The following HERC2 variants were observed in gnomAD, a reference collection of about 807,000 sequenced individuals.
The protein encoded by HERC2 is HECT and RLD domain containing E3 ubiquitin protein ligase 2.
Under a neutral mutation model 537.7 loss-of-function variants are expected in HERC2, and 102 were observed. The ratio of observed to expected loss-of-function variants is 0.19; its 90% confidence interval spans 0.16 to 0.22. The LOEUF is 0.22. Among genes scored for constraint, HERC2 ranks in the 10% least tolerant of loss-of-function variants. The pLI, the probability that HERC2 is intolerant of heterozygous loss-of-function variation, is 1.00. For synonymous variants in HERC2, 2,224 were observed against 2,466.2 expected (o/e 0.90, Z 2.91); for missense variants, 4,236 against 6,198.2 (o/e 0.68, Z 10.63).
intron 44 of HERC2, among the ~76,000 whole-genome samples, chr15:28,206,644 T>G (rs1221917163): frequency 6.6e-6 from 1 of 151,292 alleles, no homozygotes; most frequent in Non-Finnish European, 1.5e-5. Flanking sequence ...CCATCCTGGG[T>G]AACACGGTGA....
Position 28,260,905 on chromosome 15 carries a change from C to A in HERC2, c.2188G>T (p.Val730Phe), listed in dbSNP as rs1208593074. The A allele has an allele frequency of 1.2e-6, 2 of 1,614,214 alleles. No homozygotes were observed. The highest frequency in any genetic ancestry group is 1.7e-5 in the Admixed American group (1 of 60,028). The change falls in exon 16 of 93, where the codon GTC (valine) becomes TTC (phenylalanine). Residue 730 changes from valine to phenylalanine, a missense_variant. Physicochemically the swap from Val to Phe is conservative, Grantham distance 50. Transcript: ENST00000261609. The stretch of plus-strand genomic sequence containing the variant: ...TGGTCGTTGCTCCCCCAGCTGTGGA[C>A]CTCGCTGTCCTCAGTCAGAGCCAGG... ...HCLALTEDSEVHSWGSNDQCQ... is the reference protein window; with the variant it reads ...HCLALTEDSEFHSWGSNDQCQ...
chr15:28,169,074 C>A (rs1266358114), intron 66 of HERC2, among the ~76,000 whole-genome samples: 1 of 152,228 alleles, frequency 6.6e-6, no homozygotes, highest in African/African-American at 2.4e-5. Context: ...AGATGGGAAA[C>A]TTATCTAGGC....
chr15:28,121,191 C>T (rs894350033), intron 86 of HERC2, among the ~76,000 whole-genome samples, 155 bp downstream of exon 86: 1 of 152,218 alleles, frequency 6.6e-6, no homozygotes. Flanking sequence ...CAGCACATCA[C>T]ATACAGGAAG....
intron 4 of HERC2, among the ~76,000 whole-genome samples, chr15:28,290,673 A>C (rs1356194326): frequency 2.0e-5 from 3 of 152,244 alleles, no homozygotes; most frequent in Non-Finnish European, 2.9e-5. Flanking sequence ...GAAAATCCCC[A>C]AATACTTGGA....
intron 4 of HERC2, among the ~76,000 whole-genome samples, chr15:28,289,729 G>A (rs1426845787): frequency 2.6e-5 from 4 of 152,210 alleles, no homozygotes. Flanking sequence ...TGGACTTACG[G>A]GACATGGCTC....
Position 28,198,643 on chromosome 15 carries a change from C to T in HERC2, c.7843G>A (p.Gly2615Arg). 1 of 1,614,104 alleles carries T rather than the reference C, an allele frequency of 6.2e-7. No individual in the cohort carries two copies. Among genetic ancestry groups the T allele is most frequent in the East Asian group, 2.2e-5 (1 of 44,886 alleles). Reference protein sequence around the residue: ...LNVQCDWQQKGGTYWVRYIHV... With the variant: ...LNVQCDWQQKRGTYWVRYIHV... Reference sequence around the variant, plus strand: ...ATGTACCTAACCCAGTAGGTGCCCCCTTTCTGCTGCCAGTCACACTGCACA... The same window carrying T: ...ATGTACCTAACCCAGTAGGTGCCCCTTTTCTGCTGCCAGTCACACTGCACA... Residue 2615 changes from glycine to arginine, a missense_variant, in exon 49 of 93, where the codon GGG (glycine) becomes AGG (arginine). This residue lies in a region of HERC2 where 606 missense variants were observed against 884.5 expected (regional missense o/e 0.69). Transcript: ENST00000261609.
At chr15:28,146,830 C>T (rs1168693043) in intron 70 of HERC2, among the ~76,000 whole-genome samples, 1 of 139,534 alleles carries the variant, frequency 7.2e-6, no homozygotes, top group African/African-American at 2.8e-5. Flanking sequence ...CGAGCAGAGG[C>T]ACAAGAGTTT....
intron 83 of HERC2, among the ~76,000 whole-genome samples, chr15:28,126,000 C>CA (rs1889438991): frequency 6.6e-6 from 1 of 152,170 alleles, no homozygotes; most frequent in South Asian, 2.1e-4. Flanking sequence ...TTAGCAGAGA[C>CA]AGGGTTTCAC....
Position 28,238,759 on chromosome 15 carries a change from T to G in HERC2, c.3591A>C (p.Thr1197=). 6.2e-7 allele frequency: 1 copy of G among 1,610,230 alleles called. No individual in the cohort carries two copies. Among genetic ancestry groups the G allele is most frequent in the Non-Finnish European group, 8.5e-7 (1 of 1,178,290 alleles). The change falls in exon 24 of 93, where the codon ACA becomes ACC. Residue 1197 remains threonine (T), a synonymous_variant. Transcript: ENST00000261609. ...AWPGIMESFF[T]GQNCRNNEEV... ...CCTCATTATTTCTACAGTTCTGACCTGTAAAAAATGACTCTGTATATACAG... is the reference window on the plus strand; with the variant it reads ...CCTCATTATTTCTACAGTTCTGACCGGTAAAAAATGACTCTGTATATACAG...
chr15:28,212,692 G>A (rs1207037233), intron 42 of HERC2, 109 bp from the exon 43 acceptor site: 19 of 1,175,458 alleles, frequency 1.6e-5, no homozygotes, highest in African/African-American at 4.6e-5. Context: ...ACACATACCC[G>A]TAAGCCTTTT....
chr15:28,270,054 C>T (rs1306144505), intron 10 of HERC2, among the ~76,000 whole-genome samples: 4 of 152,162 alleles, frequency 2.6e-5, no homozygotes, highest in African/African-American at 4.8e-5. Context: ...CTCCGCCTCC[C>T]GGGTTCAAGT....
intron 7 of HERC2, 92 bp downstream of exon 7, chr15:28,274,199 T>C: frequency 7.3e-7 from 1 of 1,362,210 alleles, no homozygotes; most frequent in African/African-American, 1.5e-5. Context: ...ACCAACCTAC[T>C]AGGCTTCTTA....
At chr15:28,304,016 A>T (rs2076707494) in intron 2 of HERC2, among the ~76,000 whole-genome samples, 1 of 151,996 alleles carries the variant, frequency 6.6e-6, no homozygotes, top group Non-Finnish European at 1.5e-5. Flanking sequence ...AAATACAAAA[A>T]TTAGCCAGGC....
rs373996817 is a variant in HERC2 at position 28,223,509 on chromosome 15, C to T, written c.5465-1294G>A. On this transcript the variant is annotated intron_variant, in intron 35 of 92. Transcript: ENST00000261609. ...AGCCTTTCCTTTAGCCTAGCCGCTA[C>T]TTTAGGGCCCCCAGGAAGGGGCCCC... Among the ~76,000 whole-genome samples, 7 of 152,276 alleles carry T rather than the reference C, an allele frequency of 4.6e-5. No homozygotes were observed. The East Asian group carries it at 1.2e-3, about 25-fold the overall frequency.
intron 2 of HERC2, among the ~76,000 whole-genome samples, chr15:28,311,732 T>G (rs1487721587): frequency 1.6e-4 from 25 of 152,058 alleles, no homozygotes; most frequent in African/African-American, 5.3e-4. Context: ...CTGGAGAAGA[T>G]GCCAACACCC....
At chr15:28,294,739 C>T (rs2076414351) in intron 3 of HERC2, among the ~76,000 whole-genome samples, 1 of 151,974 alleles carries the variant, frequency 6.6e-6, no homozygotes, top group African/African-American at 2.4e-5. Context: ...TCGTGGTTCA[C>T]TCTGTTCCCA....
At chr15:28,256,590 G>A (rs1004097101) in intron 17 of HERC2, among the ~76,000 whole-genome samples, 20 of 152,040 alleles carry the variant, frequency 1.3e-4, no homozygotes, top group Admixed American at 2.0e-4. Context: ...CCTCCACCCC[G>A]CGCCAACAAT....
At chr15:28,159,324 CAG>C (rs1420426868) in intron 69 of HERC2, among the ~76,000 whole-genome samples, 14 of 152,334 alleles carry the variant, frequency 9.2e-5, no homozygotes, top group South Asian at 2.1e-4. Flanking sequence ...TAATATCCTG[CAG>C]AGTGTTTTCC....
At chr15:28,299,913 C>T (rs1473031518) in intron 2 of HERC2, among the ~76,000 whole-genome samples, 3 of 151,752 alleles carry the variant, frequency 2.0e-5, no homozygotes, top group African/African-American at 7.3e-5. Context: ...ATTAGCCAGG[C>T]GTGGTGGCGG....
Sources: allele counts gnomAD v4.1 joint callset (sites outside exome capture counted in the v4.1 genomes callset), GRCh38; gene constraint gnomAD v4.1.1; regional missense constraint gnomAD v4.1.1; transcripts MANE v1.5; gene names NCBI Gene and HGNC (gene_info 2026-07-23, HGNC 2026-07-21).